Variants in BCKDHB observed in about 807,000 individuals in gnomAD.
The protein encoded by BCKDHB is 2-oxoisovalerate dehydrogenase subunit beta, mitochondrial.
Under a neutral mutation model 48.5 loss-of-function variants are expected in BCKDHB, and 41 were observed. The observed-to-expected ratio is 0.85, with a 90% confidence interval of 0.66 to 1.10. The LOEUF is 1.10. Ranked by LOEUF, BCKDHB falls within the 50% of genes least tolerant of loss-of-function variation. BCKDHB has a pLI of 0.00. For missense variants in BCKDHB, 496 were observed against 494.2 expected (o/e 1.00, Z -0.03); for synonymous variants, 201 against 174.8 (o/e 1.15, Z -1.18).
At chr6:80,143,096 A>G (rs1035352056) in intron 3 of BCKDHB, among the ~76,000 whole-genome samples, 15 of 152,106 alleles carry the variant, frequency 9.9e-5, no homozygotes, top group Non-Finnish European at 2.1e-4. Context: ...ATATCTGGGG[A>G]TGCTTGGATT....
intron 8 of BCKDHB, among the ~76,000 whole-genome samples, chr6:80,263,442 T>C (rs888639503): frequency 2.0e-5 from 3 of 152,186 alleles, no homozygotes; most frequent in African/African-American, 4.8e-5. Context: ...CTTAGTTATA[T>C]ACACTACAAA....
At chr6:80,287,468 A>ATTTT (rs10670092) in intron 9 of BCKDHB, among the ~76,000 whole-genome samples, 3,482 of 149,936 alleles carry the variant, frequency 0.023, 141 homozygotes, top group African/African-American at 0.08. Context: ...TGGTTCAGTG[A>ATTTT]TTTTTTTTTT....
intron 1 of BCKDHB, among the ~76,000 whole-genome samples, chr6:80,107,416 T>C (rs1769142428): frequency 1.2e-5 from 1 of 83,850 alleles, no homozygotes; most frequent in Non-Finnish European, 2.5e-5. Flanking sequence ...ATACAGAAAT[T>C]GTGTGTATGT....
intron 9 of BCKDHB, chr6:80,307,639 T>A (rs1246102014): frequency 1.0e-6 from 1 of 977,278 alleles, no homozygotes; most frequent in Admixed American, 6.2e-5. Flanking sequence ...TATCTAGCCA[T>A]TATAGAAAAT....
the BCKDHB span, among the ~76,000 whole-genome samples, chr6:80,423,040 A>G: frequency 6.6e-6 from 1 of 152,158 alleles, no homozygotes; most frequent in Non-Finnish European, 1.5e-5. Context: ...ACCCAAAATT[A>G]TAATCCAATT....
chr6:80,252,642 T>C (rs1776880837), intron 8 of BCKDHB, among the ~76,000 whole-genome samples: 1 of 152,178 alleles, frequency 6.6e-6, no homozygotes, highest in South Asian at 2.1e-4. Context: ...CCATCTAAGA[T>C]GGTTACTTAT....
chr6:80,446,322 C>T, the BCKDHB span, among the ~76,000 whole-genome samples: 1 of 152,218 alleles, frequency 6.6e-6, no homozygotes, highest in Non-Finnish European at 1.5e-5. Flanking sequence ...AGTTCTACAG[C>T]CAGGCACGTG....
intron 3 of BCKDHB, among the ~76,000 whole-genome samples, chr6:80,162,687 C>A (rs572307093): frequency 3.3e-5 from 5 of 151,858 alleles, no homozygotes; most frequent in African/African-American, 9.7e-5. Context: ...CCCATCTCTA[C>A]GAAAAATACA....
At chr6:80,417,123 G>T in the BCKDHB span, among the ~76,000 whole-genome samples, 4 of 152,080 alleles carry the variant, frequency 2.6e-5, no homozygotes, top group Admixed American at 1.3e-4. Context: ...TGTCTTTTTT[G>T]ATTGTTGTTG....
chr6:80,321,625 A>G lies in BCKDHB; in HGVS notation c.1039-22039A>G, dbSNP rs115080897. Among the ~76,000 whole-genome samples, 917 of 152,292 alleles carry G rather than the reference A, an allele frequency of 6.0e-3. 11 individuals are homozygous for G. The highest frequency in any genetic ancestry group is 0.021 in the African/African-American group (877 of 41,560). ...ACTTATTTTTCGTGAATCCACTGAA[A>G]CTTCCAGAGACTTGAACTTTGCCTA... is the stretch of plus-strand genomic sequence containing the variant. On this transcript the variant is annotated intron_variant, in intron 9 of 9. Transcript: ENST00000320393.
At chr6:80,234,122 T>C (rs1248455654) in intron 8 of BCKDHB, among the ~76,000 whole-genome samples, 1 of 152,136 alleles carries the variant, frequency 6.6e-6, no homozygotes, top group Non-Finnish European at 1.5e-5. Flanking sequence ...GAGGCAGAGC[T>C]CAGGCAGTAA....
At chr6:80,112,149 A>C (rs1364260428) in intron 1 of BCKDHB, among the ~76,000 whole-genome samples, 1 of 152,224 alleles carries the variant, frequency 6.6e-6, no homozygotes, top group Non-Finnish European at 1.5e-5. Flanking sequence ...GTAAGTGTAC[A>C]TACAAATAAA....
chr6:80,132,353 G>C (rs138842538), intron 3 of BCKDHB, among the ~76,000 whole-genome samples: 2 of 152,138 alleles, frequency 1.3e-5, no homozygotes, highest in Non-Finnish European at 2.9e-5. Flanking sequence ...TCTTTAAGCT[G>C]TTCCACAGAA....
At position 80,327,906 on chromosome 6, in the gene BCKDHB, C is replaced by G. The variant is rs1315591438; in HGVS notation, c.1039-15758C>G. On this transcript the variant is annotated intron_variant, in intron 9 of 9. Transcript: ENST00000320393. ...CTCCCCTTTTCCCCTCCCCTTTTCT[C>G]CCCTCCCTTCTCCCCTCCCCTCCCT... is the stretch of plus-strand genomic sequence containing the variant. Among the ~76,000 whole-genome samples the G allele has an allele frequency of 2.4e-5, 3 of 126,844 alleles. No individual in the cohort carries two copies. The East Asian group carries it at 8.3e-4, about 35-fold the overall frequency. The allele number at this position is 126,844 out of a possible 152,430, so 83.2% of individuals were successfully genotyped here. A position where few individuals can be genotyped will look rare whatever the true frequency, so the allele number is the denominator to read the frequency against.
At chr6:80,149,763 G>A (rs1771671592) in intron 3 of BCKDHB, among the ~76,000 whole-genome samples, 1 of 146,942 alleles carries the variant, frequency 6.8e-6, no homozygotes, top group Admixed American at 6.9e-5. Flanking sequence ...TCACTCATAG[G>A]TGGGAATTGA....
At chr6:80,432,729 G>A in the BCKDHB span, among the ~76,000 whole-genome samples, 1 of 152,118 alleles carries the variant, frequency 6.6e-6, no homozygotes, top group South Asian at 2.1e-4. Context: ...TGCTGGTGAG[G>A]AGTTGTGATC....
At chr6:80,328,659 A>T (rs1179411450) in intron 9 of BCKDHB, among the ~76,000 whole-genome samples, 1 of 152,210 alleles carries the variant, frequency 6.6e-6, no homozygotes, top group Non-Finnish European at 1.5e-5. Context: ...ATAATTGGGT[A>T]TACAGAAAAC....
chr6:80,289,500 A>C (rs1766801739), intron 9 of BCKDHB, among the ~76,000 whole-genome samples: 1 of 152,074 alleles, frequency 6.6e-6, no homozygotes, highest in Non-Finnish European at 1.5e-5. Flanking sequence ...ATCTGGGCAG[A>C]TCTTCGGAGA....
intron 1 of BCKDHB, among the ~76,000 whole-genome samples, chr6:80,109,257 C>A (rs1769292664): frequency 6.6e-6 from 1 of 152,134 alleles, no homozygotes; most frequent in African/African-American, 2.4e-5. Flanking sequence ...GTTGTGAGGG[C>A]TACATAAAAC....
Sources: allele counts gnomAD v4.1 joint callset (sites outside exome capture counted in the v4.1 genomes callset), GRCh38; gene constraint gnomAD v4.1.1; transcripts MANE v1.5; gene names NCBI Gene and HGNC (gene_info 2026-07-23, HGNC 2026-07-21).